Variants in ABCC12 observed in about 807,000 individuals in gnomAD.
ABCC12 encodes the protein ATP binding cassette subfamily C member 12.
Under a neutral mutation model 151.1 loss-of-function variants are expected in ABCC12, and 142 were observed. The observed-to-expected ratio is 0.94, with a 90% CI of 0.82 to 1.08. The LOEUF is 1.08. Among genes scored for constraint, ABCC12 ranks in the 50% least tolerant of loss-of-function variants. ABCC12 has a pLI of 0.00. For missense variants in ABCC12, 1,638 were observed against 1,691.1 expected (o/e 0.97, Z 0.55); for synonymous variants, 645 against 646.4 (o/e 1.00, Z 0.03).
chr16:48,146,133 G>T (rs1675523983), intron 3 of ABCC12, among the ~76,000 whole-genome samples, 173 bp downstream of exon 3: 1 of 152,200 alleles, frequency 6.6e-6, no homozygotes, highest in South Asian at 2.1e-4. Flanking sequence ...CAAAGGACAG[G>T]AGGAGGCAAG....
chr16:48,087,838 A>C, intron 27 of ABCC12, 88 bp downstream of exon 27: 1 of 1,428,526 alleles, frequency 7.0e-7, no homozygotes, highest in South Asian at 1.4e-5. Context: ...GCTCCAGGCC[A>C]GCCATGCCCT....
At chr16:48,107,267 G>A (rs955628754) in intron 20 of ABCC12, 55 bp downstream of exon 20, 13 of 1,531,782 alleles carry the variant, frequency 8.5e-6, no homozygotes, top group Admixed American at 1.7e-5. Context: ...TCTGGCAGCA[G>A]AGTTTTACTC....
At chr16:48,131,536 C>A (rs934346922) in intron 9 of ABCC12, among the ~76,000 whole-genome samples, 3 of 152,148 alleles carry the variant, frequency 2.0e-5, no homozygotes, top group African/African-American at 2.4e-5. Flanking sequence ...GTTCATGGGG[C>A]CTTCCTTGCT....
Position 48,115,408 on chromosome 16 carries a change from C to T in ABCC12, c.1989+7G>A, listed in dbSNP as rs763765141. On this transcript the variant is annotated splice_region_variant and intron_variant, in intron 15 of 30. Transcript: ENST00000311303. ...CGTGACCTCCTGGATCCTGCATGTC[C>T]CATCACCTGTAGCTGGTGGGTCACC... The T allele has an allele frequency of 1.6e-5, 26 of 1,613,502 alleles. No individual in the cohort carries two copies. In the South Asian group the frequency reaches 2.6e-4, roughly 16 times the overall value.
intron 9 of ABCC12, among the ~76,000 whole-genome samples, chr16:48,132,760 A>G (rs1441688335): frequency 6.6e-6 from 1 of 152,200 alleles, no homozygotes; most frequent in Non-Finnish European, 1.5e-5. Context: ...GCTAAGAAGA[A>G]TAGCTGACAC....
intron 23 of ABCC12, 109 bp from the exon 24 acceptor site, chr16:48,097,011 G>T: frequency 7.4e-7 from 1 of 1,358,566 alleles, no homozygotes. Context: ...GAGAAATGAG[G>T]CCAAGGAATT....
intron 22 of ABCC12, among the ~76,000 whole-genome samples, 168 bp from the exon 23 acceptor site, chr16:48,101,177 C>T (rs1963295657): frequency 6.6e-6 from 1 of 152,206 alleles, no homozygotes; most frequent in African/African-American, 2.4e-5. Flanking sequence ...GTGCCTGCCC[C>T]AGGTGTGGGA....
chr16:48,086,589 A>G (rs1962613478), intron 28 of ABCC12, 152 bp downstream of exon 28: 1 of 663,128 alleles, frequency 1.5e-6, no homozygotes, highest in Admixed American at 2.5e-5. Flanking sequence ...GGAAAGAATA[A>G]CTAAGGATTA....
chr16:48,088,236 T>G, intron 26 of ABCC12, 151 bp from the exon 27 acceptor site: 1 of 959,696 alleles, frequency 1.0e-6, no homozygotes, highest in Non-Finnish European at 1.5e-6. Context: ...AGGGTGGGGG[T>G]GGAGGGATGG....
intron 20 of ABCC12, among the ~76,000 whole-genome samples, chr16:48,106,994 G>C (rs1963514774): frequency 6.6e-6 from 1 of 152,202 alleles, no homozygotes; most frequent in African/African-American, 2.4e-5. Flanking sequence ...ATCAGTGTTA[G>C]GCTTTCCTGG....
At position 48,141,301 on chromosome 16, in the gene ABCC12, A is replaced by C. The variant is rs1471993047; in HGVS notation, c.328T>G (p.Ser110Ala). Residue 110 changes from serine to alanine, a missense_variant, in exon 5 of 31, where the codon TCT becomes GCT. By Grantham distance (99) the Ser-to-Ala change is moderately conservative. Transcript: ENST00000311303. ...EVARVGPEKASLSHVVWKFQR... is the reference protein window; with the variant it reads ...EVARVGPEKAALSHVVWKFQR... ...AATTTCCACACCACGTGGCTCAGAG[A>C]GGCCTTCTCAGGACCCACCCTTGCT... 1 of 1,614,226 alleles carries C rather than the reference A, an allele frequency of 6.2e-7. No individual in the cohort carries two copies. The highest frequency in any genetic ancestry group is 2.2e-5 in the East Asian group (1 of 44,876).
chr16:48,103,362 T>A (rs1258946277), intron 22 of ABCC12, among the ~76,000 whole-genome samples: 2 of 152,232 alleles, frequency 1.3e-5, no homozygotes, highest in African/African-American at 4.8e-5. Context: ...TAAATGATTA[T>A]TTTTAGTTAT....
At chr16:48,135,337 A>C (rs1485498514) in intron 8 of ABCC12, among the ~76,000 whole-genome samples, 1 of 152,190 alleles carries the variant, frequency 6.6e-6, no homozygotes, top group Non-Finnish European at 1.5e-5. Flanking sequence ...CGGTCCAGTA[A>C]CAACCAGATC....
chr16:48,152,992 G>A (rs899306708), intron 2 of ABCC12, among the ~76,000 whole-genome samples: 7 of 152,172 alleles, frequency 4.6e-5, no homozygotes, highest in Non-Finnish European at 7.3e-5. Context: ...CAAGTCAAAG[G>A]TCAAACTGTG....
At chr16:48,105,424 G>A in intron 20 of ABCC12, 88 bp from the exon 21 acceptor site, 2 of 1,316,018 alleles carry the variant, frequency 1.5e-6, no homozygotes, top group Non-Finnish European at 2.1e-6. Flanking sequence ...CCAGAGAGAA[G>A]AAACTAAGAA....
At chr16:48,133,636 A>G (rs757837362) in intron 9 of ABCC12, 51 bp downstream of exon 9, 1 of 1,596,962 alleles carries the variant, frequency 6.3e-7, no homozygotes. Flanking sequence ...CCCACCTGGG[A>G]CTTGCCGGGG....
intron 2 of ABCC12, among the ~76,000 whole-genome samples, chr16:48,152,735 T>C (rs1373078696): frequency 6.6e-6 from 1 of 152,188 alleles, no homozygotes; most frequent in Non-Finnish European, 1.5e-5. Context: ...GCATGCAGTA[T>C]TCCTGCAGGA....
intron 23 of ABCC12, among the ~76,000 whole-genome samples, chr16:48,098,113 A>T (rs926283473): frequency 4.0e-5 from 6 of 151,244 alleles, no homozygotes; most frequent in African/African-American, 9.7e-5. Context: ...ACACACACAC[A>T]CACACACACA....
chr16:48,118,306 A>G (rs918353632), intron 13 of ABCC12, among the ~76,000 whole-genome samples: 5 of 151,980 alleles, frequency 3.3e-5, no homozygotes, highest in South Asian at 2.1e-4. Context: ...CTGCAACTCA[A>G]CCTCACTCAT....
Sources: gnomAD v4.1 joint callset for allele counts (sites outside exome capture counted in the v4.1 genomes callset) on GRCh38, gnomAD v4.1.1 for gene constraint, MANE v1.5 for transcripts, NCBI Gene and HGNC (gene_info 2026-07-23, HGNC 2026-07-21) for gene names.